Variants in DARS1 observed in about 807,000 individuals in gnomAD.
The protein encoded by DARS1 is aspartyl-tRNA synthetase 1.
A neutral mutation model predicts 68.8 loss-of-function variants in DARS1; 51 were observed. The ratio of observed to expected loss-of-function variants is 0.74; its 90% confidence interval spans 0.59 to 0.94. The LOEUF (loss-of-function observed/expected upper bound fraction) is 0.94, where lower values mean the gene tolerates loss of function less well. Among genes scored for constraint, DARS1 ranks in the 40% least tolerant of loss-of-function variants. DARS1 has a pLI of 0.00. For missense variants in DARS1, 607 were observed against 597.3 expected (o/e 1.02, Z -0.17); for synonymous variants, 203 against 190.4 (o/e 1.07, Z -0.55).
chr2:135,918,492 G>A (rs1438575056), intron 10 of DARS1, among the ~76,000 whole-genome samples: 2 of 152,072 alleles, frequency 1.3e-5, no homozygotes, highest in Admixed American at 6.6e-5. Context: ...AACAAGCCCT[G>A]ACACCAAAAC....
intron 8 of DARS1, among the ~76,000 whole-genome samples, chr2:135,923,496 G>C (rs1485286933): frequency 6.6e-6 from 1 of 151,956 alleles, no homozygotes; most frequent in Non-Finnish European, 1.5e-5. Context: ...CATCATTTTG[G>C]CCAGGCTGGT....
chr2:135,948,865 G>A (rs1314773014), intron 4 of DARS1, among the ~76,000 whole-genome samples: 3 of 136,436 alleles, frequency 2.2e-5, no homozygotes, highest in South Asian at 2.6e-4. Context: ...GCGAGACTCC[G>A]TCTCCCGTCT....
intron 5 of DARS1, chr2:135,943,079 G>C: frequency 4.2e-6 from 1 of 240,940 alleles, no homozygotes; most frequent in Middle Eastern, 1.5e-3. Flanking sequence ...CCTGCTGGAT[G>C]AGAGGAAGCC....
chr2:135,921,923 G>A (rs1681116082), intron 9 of DARS1, among the ~76,000 whole-genome samples: 1 of 152,104 alleles, frequency 6.6e-6, no homozygotes, highest in African/African-American at 2.4e-5. Flanking sequence ...AGAAAATTAA[G>A]ACCCTTAATG....
At chr2:135,941,450 A>G (rs1414084254) in intron 5 of DARS1, among the ~76,000 whole-genome samples, 4 of 152,182 alleles carry the variant, frequency 2.6e-5, no homozygotes, top group Non-Finnish European at 5.9e-5. Context: ...AAAACTGGCT[A>G]GCCATATGTA....
Position 135,977,972 on chromosome 2 carries a change from G to C in DARS1, c.217+1302C>G, listed in dbSNP as rs1682536228. On this transcript the variant is annotated intron_variant, in intron 3 of 15. Transcript: ENST00000264161. ...AGCCTGGCCAACATGGTGAAACTCT[G>C]TCTCTACTAAAAATGCAAAACTTTG... Among the ~76,000 whole-genome samples the C allele has an allele frequency of 2.0e-5, 3 of 151,834 alleles. No homozygotes were observed. The South Asian group carries it at 6.2e-4, about 32-fold the overall frequency.
intron 2 of DARS1, among the ~76,000 whole-genome samples, chr2:135,979,839 C>G (rs1475902836): frequency 2.6e-5 from 4 of 152,220 alleles, no homozygotes; most frequent in Non-Finnish European, 5.9e-5. Context: ...CAAGTCTGAA[C>G]AGTCGCAGTA....
chr2:135,911,506 A>G lies in DARS1; in HGVS notation c.1231-13T>C, dbSNP rs1680895613. The G allele has an allele frequency of 2.3e-6, 2 of 865,540 alleles. No individual in the cohort carries two copies. Among genetic ancestry groups the G allele is most frequent in the Non-Finnish European group, 2.0e-6 (1 of 502,676 alleles). The allele number at this position is 865,540 out of a possible 1,614,324, so 53.6% of individuals were successfully genotyped here. On this transcript the variant is annotated splice_polypyrimidine_tract_variant and intron_variant, in intron 13 of 15. Transcript: ENST00000264161. ...AGTTGGACTGTTTCTGCAAGAGAAA[A>G]AACACCAGTCCTCAAGTGACTACCA...
chr2:135,964,067 A>G (rs1399282958), intron 3 of DARS1, among the ~76,000 whole-genome samples: 2 of 152,218 alleles, frequency 1.3e-5, no homozygotes, highest in African/African-American at 4.8e-5. Context: ...GGATGACTAT[A>G]TACAAAAAGT....
intron 3 of DARS1, among the ~76,000 whole-genome samples, chr2:135,963,462 C>G (rs948486965): frequency 2.7e-5 from 4 of 150,714 alleles, no homozygotes; most frequent in Non-Finnish European, 3.0e-5. Context: ...ACCTCCGCCC[C>G]CCGGGTTCAA....
At chr2:135,982,808 T>C (rs1393306979) in intron 2 of DARS1, among the ~76,000 whole-genome samples, 3 of 152,172 alleles carry the variant, frequency 2.0e-5, no homozygotes, top group Non-Finnish European at 4.4e-5. Flanking sequence ...GAAGGACCCA[T>C]GGACTCTAGG....
chr2:135,940,010 T>C (rs1397576952), intron 5 of DARS1, among the ~76,000 whole-genome samples: 1 of 152,234 alleles, frequency 6.6e-6, no homozygotes, highest in Non-Finnish European at 1.5e-5. Context: ...ATTGAGGCAA[T>C]AATCAATAGC....
intron 4 of DARS1, among the ~76,000 whole-genome samples, chr2:135,954,325 C>CAAAAA (rs1172207033): frequency 6.1e-5 from 5 of 81,442 alleles, no homozygotes; most frequent in African/African-American, 1.9e-4. Context: ...AAAACAAAAC[C>CAAAAA]AAAAAAAAAA....
intron 2 of DARS1, among the ~76,000 whole-genome samples, chr2:135,980,840 G>A (rs1293541757): frequency 6.6e-6 from 1 of 152,202 alleles, no homozygotes; most frequent in Non-Finnish European, 1.5e-5. Context: ...GCACTTTGGA[G>A]AAGAAAAAGG....
At chr2:135,968,086 C>G (rs953690457) in intron 3 of DARS1, among the ~76,000 whole-genome samples, 1 of 152,000 alleles carries the variant, frequency 6.6e-6, no homozygotes, top group African/African-American at 2.4e-5. Flanking sequence ...ATGGTGAAAC[C>G]CCGACTCTAC....
At chr2:135,967,697 G>T (rs974092205) in intron 3 of DARS1, among the ~76,000 whole-genome samples, 3 of 151,828 alleles carry the variant, frequency 2.0e-5, no homozygotes, top group African/African-American at 7.3e-5. Context: ...TTGCATTATA[G>T]GATTCTAAAT....
Position 135,959,351 on chromosome 2 carries a change from A to G in DARS1, c.320+2045T>C, listed in dbSNP as rs1392380701. Among the ~76,000 whole-genome samples the G allele has an allele frequency of 2.3e-5, 3 of 129,356 alleles. No homozygotes were observed. In the East Asian group the frequency reaches 8.1e-4, roughly 35 times the overall value. The allele number at this position is 129,356 out of a possible 152,430, so 84.9% of individuals were successfully genotyped here. A position where few individuals can be genotyped will look rare whatever the true frequency, so the allele number is the denominator to read the frequency against. On this transcript the variant is annotated intron_variant, in intron 4 of 15. Coordinates refer to ENST00000264161, the MANE Select transcript of DARS1 (RefSeq NM_001349.4). The stretch of plus-strand genomic sequence containing the variant: ...GGTTGCGATGAGCGGAGACCACGCC[A>G]TTGCACTCCAGCCTGGGCAACAAGA...
In DARS1 at chr2:135,985,386, G is replaced by A. The variant is rs759685832; in HGVS notation, c.66+17C>T. 3 of 1,613,026 alleles carry A rather than the reference G, an allele frequency of 1.9e-6. No individual in the cohort carries two copies. In the Admixed American group the frequency reaches 5.0e-5, roughly 27 times the overall value. ...CAGGGGTCTGTCCTCCCAGGCCCAG[G>A]AAAGGAGGAAACCCACTTCCGCCGC... On this transcript the variant is annotated intron_variant, in intron 1 of 15. Transcript: ENST00000264161.
chr2:135,908,964 T>A (rs1458756732), intron 15 of DARS1, among the ~76,000 whole-genome samples: 3 of 151,794 alleles, frequency 2.0e-5, no homozygotes, highest in East Asian at 3.9e-4. Context: ...TAAAAAGGAG[T>A]GAGATCATGT....
Sources: gnomAD v4.1 joint callset for allele counts (sites outside exome capture counted in the v4.1 genomes callset) on GRCh38, gnomAD v4.1.1 for gene constraint, MANE v1.5 for transcripts, NCBI Gene and HGNC (gene_info 2026-07-23, HGNC 2026-07-21) for gene names.